The following RBM24 variants were observed in gnomAD, a reference collection of about 807,000 sequenced individuals.
RBM24 encodes the protein RNA-binding protein 24.
In RBM24, 5 loss-of-function variants were observed where a neutral mutation model predicts 23.6. The observed-to-expected ratio is 0.21, with a 90% CI of 0.11 to 0.45. The LOEUF (loss-of-function observed/expected upper bound fraction) is 0.45, where lower values mean the gene tolerates loss of function less well. RBM24 is among the 20% of genes least tolerant of loss of function. The probability of loss-of-function intolerance (pLI) is 0.99; values close to 1 mark genes in which losing one functional copy is unlikely to be tolerated. For missense variants in RBM24, 252 were observed against 314.6 expected, an observed-to-expected ratio of 0.80 and a Z score of 1.51; for synonymous variants, 151 against 129.5, an observed-to-expected ratio of 1.17 and a Z score of -1.13.
rs190724476 is a variant in RBM24, at chr6:17,293,512, A to G, written c.*1393A>G. 2.0e-5 allele frequency: 3 copies of G among 152,642 alleles called. No individual in the cohort carries two copies. Among genetic ancestry groups the G allele is most frequent in the Non-Finnish European group, 4.4e-5 (3 of 68,008 alleles). The allele number at this position is 152,642 out of a possible 1,614,324, so 9.5% of individuals were successfully genotyped here. A position where few individuals can be genotyped will look rare whatever the true frequency, so the allele number is the denominator to read the frequency against. Reference sequence around the variant, plus strand: ...CTTCCTCCTCTGATTTTGCCTGTGTAGATTTCATTTATTGGTAATTCATTA... The same window carrying G: ...CTTCCTCCTCTGATTTTGCCTGTGTGGATTTCATTTATTGGTAATTCATTA... On this transcript the variant is annotated 3_prime_UTR_variant, in exon 4 of 4. Transcript: ENST00000379052.
chr6:17,286,476 T>A (rs919651933), intron 3 of RBM24, among the ~76,000 whole-genome samples: 11 of 152,194 alleles, frequency 7.2e-5, no homozygotes, highest in Non-Finnish European at 5.9e-5. Flanking sequence ...AATCAACAGG[T>A]AGTTGCATGT....
intron 3 of RBM24, chr6:17,290,780 A>G: frequency 1.0e-6 from 1 of 1,004,188 alleles, no homozygotes. Flanking sequence ...ATTTAGTTGT[A>G]CTTCCCTGTC....
At chr6:17,282,635 C>CCCCCCCT in intron 1 of RBM24, 170 bp from the exon 2 acceptor site, 1 of 304,950 alleles carries the variant, frequency 3.3e-6, no homozygotes, top group South Asian at 3.1e-5. Context: ...CCCCGCCCGC[C>CCCCCCCT]TGTTAAAAAT....
At position 17,292,058 on chromosome 6, in the gene RBM24, C is replaced by A; in HGVS notation, c.650C>A (p.Ala217Asp). ...GCTGCCGCCGCCGCTGCAGCAGCTG[C>A]TGCCGCTGCAGCATTTGGCCAGTAC... is the stretch of plus-strand genomic sequence containing the variant. ...GTAAAAAAAA[A>D]AAAAFGQYQP... The change falls in exon 4 of 4, where the codon GCT becomes GAT. Residue 217 changes from alanine to aspartate, a missense_variant. By Grantham distance (126) the Ala-to-Asp change is moderately radical. Coordinates refer to ENST00000379052, the MANE Select transcript of RBM24 (RefSeq NM_001143942.2). 1 of 1,593,534 alleles carries A rather than the reference C, an allele frequency of 6.3e-7. No homozygotes were observed. Among genetic ancestry groups the A allele is most frequent in the Non-Finnish European group, 8.5e-7 (1 of 1,174,910 alleles).
At chr6:17,282,310 T>C (rs1760048127) in intron 1 of RBM24, 1 of 1,213,996 alleles carries the variant, frequency 8.2e-7, no homozygotes, top group Non-Finnish European at 1.1e-6. Context: ...AGCGTGCAAA[T>C]TCAGCTGCCG....
intron 3 of RBM24, among the ~76,000 whole-genome samples, chr6:17,285,483 G>C (rs911985725): frequency 6.6e-6 from 1 of 151,808 alleles, no homozygotes; most frequent in Admixed American, 6.6e-5. Flanking sequence ...TTTTTGTAGT[G>C]AGTGCTAAAT....
chr6:17,283,144 G>T, intron 2 of RBM24: 1 of 514,622 alleles, frequency 1.9e-6, no homozygotes, highest in Non-Finnish European at 3.5e-6. Context: ...ATGGATCTTG[G>T]GGGTCGTGCA....
rs1760011166 is a variant in RBM24, at chr6:17,281,496, G to C, written c.-86G>C. On this transcript the variant is annotated 5_prime_UTR_variant, in exon 1 of 4. Transcript: ENST00000379052. The surrounding 1 kb of genome is among the most constrained non-coding windows in gnomAD (Gnocchi z 7.1). ...GCCCCCGGCGGCCGCGAAAGGGTGCGGGAGACGCGGAGCCGGAGGAGGAGG... is the reference window on the plus strand; with the variant it reads ...GCCCCCGGCGGCCGCGAAAGGGTGCCGGAGACGCGGAGCCGGAGGAGGAGG... 6.2e-5 allele frequency: 80 copies of C among 1,290,642 alleles called. No homozygotes were observed. In the South Asian group the frequency reaches 1.4e-3, roughly 22 times the overall value. The allele number at this position is 1,290,642 out of a possible 1,614,324, so 79.9% of individuals were successfully genotyped here.
At chr6:17,291,695 G>C in intron 3 of RBM24, 61 bp from the exon 4 acceptor site, 1 of 1,521,506 alleles carries the variant, frequency 6.6e-7, no homozygotes, top group Non-Finnish European at 8.9e-7. Flanking sequence ...TTTTATCTTT[G>C]AACAACATGC....
chr6:17,285,730 T>C (rs1760175058), intron 3 of RBM24, among the ~76,000 whole-genome samples: 1 of 152,172 alleles, frequency 6.6e-6, no homozygotes, highest in South Asian at 2.1e-4. Context: ...CACCTGTTCA[T>C]ATTTATGTTG....
intron 2 of RBM24, 182 bp downstream of exon 2, chr6:17,283,110 C>T: frequency 3.6e-6 from 2 of 554,054 alleles, no homozygotes; most frequent in Non-Finnish European, 3.2e-6. Context: ...CCTCTCAAGG[C>T]TTGAAATGTA....
chr6:17,288,994 A>C (rs1760276869), intron 3 of RBM24: 2 of 985,324 alleles, frequency 2.0e-6, no homozygotes, highest in Non-Finnish European at 2.4e-6. Flanking sequence ...ACCAGTTAGG[A>C]TGTTGCTTTA....
In RBM24 at chr6:17,293,389, A is replaced by T. The variant is rs920737777; in HGVS notation, c.*1270A>T. 6 of 152,638 alleles carry T rather than the reference A, an allele frequency of 3.9e-5. No homozygotes were observed. Among genetic ancestry groups the T allele is most frequent in the African/African-American group, 1.4e-4 (6 of 41,460 alleles). The allele number at this position is 152,638 out of a possible 1,614,324, so 9.5% of individuals were successfully genotyped here. ...TAAAGATGTTGACTTGGATTTATTT[A>T]AATTCATATGTGCACTGTATAAGAG... is the stretch of plus-strand genomic sequence containing the variant. On this transcript the variant is annotated 3_prime_UTR_variant, in exon 4 of 4. Coordinates refer to ENST00000379052, the MANE Select transcript of RBM24 (RefSeq NM_001143942.2).
At chr6:17,287,923 A>G (rs756400915) in intron 3 of RBM24, among the ~76,000 whole-genome samples, 20 of 152,170 alleles carry the variant, frequency 1.3e-4, no homozygotes, top group Non-Finnish European at 2.5e-4. Flanking sequence ...GTGTGGTAAC[A>G]CTGTGCTTAG....
rs1022217360 is a variant in RBM24, at chr6:17,292,800, ACAAT to A, written c.*686_*689del. ...ATTAATGGGTGCAACAGCTGTACAG[ACAAT>A]CAATAACACACACAGTTCTGGAAAG... On this transcript the variant is annotated 3_prime_UTR_variant, in exon 4 of 4. Transcript: ENST00000379052. 6.5e-6 allele frequency: 1 copy of A among 152,674 alleles called. No individual in the cohort carries two copies. Among genetic ancestry groups the A allele is most frequent in the Non-Finnish European group, 1.5e-5 (1 of 68,038 alleles). The allele number at this position is 152,674 out of a possible 1,614,324, so 9.5% of individuals were successfully genotyped here.
At chr6:17,288,503 C>G (rs1323355537) in intron 3 of RBM24, 5 of 983,762 alleles carry the variant, frequency 5.1e-6, no homozygotes, top group Non-Finnish European at 6.0e-6. Context: ...GATTATTAGT[C>G]CATTTCACAT....
chr6:17,282,407 G>A, intron 1 of RBM24: 1 of 570,716 alleles, frequency 1.8e-6, no homozygotes, highest in South Asian at 1.5e-5. Flanking sequence ...ATGTAAGGCT[G>A]GACTTTCTTT....
chr6:17,291,936 C>T lies in RBM24; in HGVS notation c.528C>T (p.Tyr176=). 3 of 1,612,998 alleles carry T rather than the reference C, an allele frequency of 1.9e-6. No homozygotes were observed. The highest frequency in any genetic ancestry group is 2.2e-5 in the East Asian group (1 of 44,858). The change falls in exon 4 of 4, where the codon TAC becomes TAT. Residue 176 remains tyrosine, a synonymous_variant. Transcript: ENST00000379052. ...CCGCCGCTGCTGCCTATGACCAGTA[C>T]CCCTATGCAGCCTCTCCAGCTGCTG... The part of the protein sequence containing the change: ...AAAAAAAYDQ[Y]PYAASPAAAG...
Position 17,291,824 on chromosome 6 carries a change from C to T in RBM24, c.416C>T (p.Pro139Leu), listed in dbSNP as rs374105451. Residue 139 changes from proline (P) to leucine (L), a missense_variant, in exon 4 of 4, where the codon CCG (proline) becomes CTG (leucine). Coordinates refer to ENST00000379052, the MANE Select transcript of RBM24 (RefSeq NM_001143942.2). ...QPGVVIPHVQ[P>L]TAAAASTTPY... is the part of the protein sequence containing the mutation. Reference sequence around the variant, plus strand: ...GGAGTGGTCATTCCACACGTCCAGCCGACAGCAGCTGCCGCCTCCACCACC... The same window carrying T: ...GGAGTGGTCATTCCACACGTCCAGCTGACAGCAGCTGCCGCCTCCACCACC... The T allele has an allele frequency of 2.5e-6, 4 of 1,614,156 alleles. No homozygotes were observed. The highest frequency in any genetic ancestry group is 2.2e-5 in the South Asian group (2 of 91,082).
Sources: allele counts gnomAD v4.1 joint callset (sites outside exome capture counted in the v4.1 genomes callset), GRCh38; gene constraint gnomAD v4.1.1; non-coding constraint Gnocchi (gnomAD v3.1); transcripts MANE v1.5; gene names NCBI Gene and HGNC (gene_info 2026-07-23, HGNC 2026-07-21).